The following MCM8 variants were observed in gnomAD, a reference collection of about 807,000 sequenced individuals.
MCM8 encodes minichromosome maintenance 8 homologous recombination repair factor, also known as DNA helicase MCM8.
In MCM8, 85 loss-of-function variants were observed where a neutral mutation model predicts 98.9. The observed-to-expected ratio is 0.86, with a 90% CI of 0.72 to 1.03. MCM8 has a LOEUF of 1.03. Ranked by LOEUF, MCM8 falls within the 50% of genes least tolerant of loss-of-function variation. The pLI is 0.00. For synonymous variants in MCM8, 352 were observed against 338.6 expected (o/e 1.04, Z -0.44); for missense variants, 951 against 997.8 (o/e 0.95, Z 0.63).
chr20:5,966,575 A>G (rs1434200132), intron 8 of MCM8, among the ~76,000 whole-genome samples: 1 of 152,164 alleles, frequency 6.6e-6, no homozygotes, highest in Non-Finnish European at 1.5e-5. Context: ...AATTATTGCC[A>G]TTTAATTTTC....
At chr20:5,991,872 C>A (rs576752023) in intron 17 of MCM8, among the ~76,000 whole-genome samples, 1 of 150,132 alleles carries the variant, frequency 6.7e-6, no homozygotes, top group Non-Finnish European at 1.5e-5. Flanking sequence ...TCAGAGTTTT[C>A]ATCTCTTCAG....
At chr20:5,993,935 G>T in intron 18 of MCM8, 1 of 393,688 alleles carries the variant, frequency 2.5e-6, no homozygotes. Context: ...CTGTTAAATG[G>T]ACATGATTAT....
chr20:5,974,183 A>G (rs2122752442), intron 12 of MCM8, among the ~76,000 whole-genome samples: 1 of 152,298 alleles, frequency 6.6e-6, no homozygotes, highest in Non-Finnish European at 1.5e-5. Flanking sequence ...CCCAGACTGA[A>G]GTACAGTGGC....
At chr20:5,993,888 A>G (rs2089903865) in intron 18 of MCM8, 193 bp downstream of exon 18, 1 of 472,996 alleles carries the variant, frequency 2.1e-6, no homozygotes, top group African/African-American at 1.9e-5. Context: ...TCTTGTGGAT[A>G]TGTCATTTTA....
chr20:5,993,536 G>A lies in MCM8; in HGVS notation c.2271G>A (p.Gly757=), dbSNP rs1304258534. 1 of 1,574,528 alleles carries A rather than the reference G, an allele frequency of 6.4e-7. No homozygotes were observed. The highest frequency in any genetic ancestry group is 1.7e-5 in the Admixed American group (1 of 57,862). ...TAGGAACTTACTCTGATGAATTTGG[G>A]AACCTAGATTTTGAGCGATCCCAGC... ...SMLGTYSDEF[G]NLDFERSQHG... Residue 757 remains glycine, a synonymous_variant, in exon 18 of 19, where the codon GGG becomes GGA. Coordinates refer to ENST00000610722, the MANE Select transcript of MCM8 (RefSeq NM_032485.6).
Position 5,950,722 on chromosome 20 carries a change from C to T in MCM8, c.-307C>T, listed in dbSNP as rs1252996873. 1 of 258,490 alleles carries T rather than the reference C, an allele frequency of 3.9e-6. No individual in the cohort carries two copies. Among genetic ancestry groups the T allele is most frequent in the African/African-American group, 2.2e-5 (1 of 44,822 alleles). 16.0% of individuals were successfully genotyped at this position (258,490 alleles called of 1,614,324 possible). ...GGGAAGACCTGATTTTCGCTTGAGG[C>T]ATTTTTGCGGCGCTGTGCGCTACAG... is the stretch of plus-strand genomic sequence containing the variant. On this transcript the variant is annotated 5_prime_UTR_variant, in exon 1 of 19. Coordinates refer to ENST00000610722, the MANE Select transcript of MCM8 (RefSeq NM_032485.6).
At chr20:5,958,142 A>C (rs112507288) in intron 6 of MCM8, among the ~76,000 whole-genome samples, 1 of 152,218 alleles carries the variant, frequency 6.6e-6, no homozygotes, top group Non-Finnish European at 1.5e-5. Context: ...AGTCCGAGGC[A>C]GGCGGATCAC....
chr20:5,992,341 A>C (rs1027246506), intron 17 of MCM8, among the ~76,000 whole-genome samples: 1 of 152,202 alleles, frequency 6.6e-6, no homozygotes, highest in African/African-American at 2.4e-5. Context: ...TTACTCTTGC[A>C]CCAACCTAAT....
intron 7 of MCM8, among the ~76,000 whole-genome samples, chr20:5,961,026 T>TG (rs1175853110): frequency 6.6e-6 from 1 of 152,210 alleles, no homozygotes; most frequent in Non-Finnish European, 1.5e-5. Context: ...AGTTTTGTTT[T>TG]TTATCTTTAG....
chr20:5,981,760 A>G (rs2089635228), intron 13 of MCM8, among the ~76,000 whole-genome samples: 1 of 152,202 alleles, frequency 6.6e-6, no homozygotes, highest in African/African-American at 2.4e-5. Context: ...CTGTAGACAA[A>G]ATTATAATCT....
intron 17 of MCM8, among the ~76,000 whole-genome samples, chr20:5,993,153 C>A (rs2089887044): frequency 6.6e-6 from 1 of 152,098 alleles, no homozygotes; most frequent in Admixed American, 6.6e-5. Context: ...AGATGGGACA[C>A]ATTTTTATTT....
chr20:5,957,917 T>C (rs2089029126), intron 6 of MCM8, among the ~76,000 whole-genome samples: 1 of 152,220 alleles, frequency 6.6e-6, no homozygotes, highest in Admixed American at 6.5e-5. Flanking sequence ...TAGAAGAAAA[T>C]TTCCTAGCAG....
chr20:5,970,037 C>G (rs1422612952), intron 10 of MCM8, among the ~76,000 whole-genome samples: 1 of 152,146 alleles, frequency 6.6e-6, no homozygotes, highest in Admixed American at 6.5e-5. Flanking sequence ...AGCATCAAAA[C>G]TAGAATTTTT....
chr20:5,955,830 G>C (rs777977974), intron 5 of MCM8, among the ~76,000 whole-genome samples: 7 of 151,984 alleles, frequency 4.6e-5, no homozygotes, highest in Non-Finnish European at 1.0e-4. Flanking sequence ...CCAGGCTGGA[G>C]TGCAGTGTCA....
chr20:5,980,996 C>A (rs1232080764), intron 13 of MCM8, among the ~76,000 whole-genome samples: 1 of 151,708 alleles, frequency 6.6e-6, no homozygotes, highest in East Asian at 1.9e-4. Context: ...CAAGCTAAAA[C>A]TGGCTTATAT....
chr20:5,976,085 G>T (rs2089505214), intron 12 of MCM8, among the ~76,000 whole-genome samples: 1 of 152,168 alleles, frequency 6.6e-6, no homozygotes, highest in African/African-American at 2.4e-5. Context: ...GCAGGCCAAG[G>T]CAGGAGGACC....
At chr20:5,992,443 C>T (rs1249484805) in intron 17 of MCM8, among the ~76,000 whole-genome samples, 2 of 152,064 alleles carry the variant, frequency 1.3e-5, no homozygotes, top group Non-Finnish European at 2.9e-5. Flanking sequence ...CTATGTTAAA[C>T]AAATATAATT....
intron 3 of MCM8, among the ~76,000 whole-genome samples, chr20:5,953,057 CAGT>C (rs1284495102): frequency 6.6e-6 from 1 of 152,212 alleles, no homozygotes; most frequent in Non-Finnish European, 1.5e-5. Context: ...GGGCATGACT[CAGT>C]GGTGCTTGGA....
At chr20:5,986,416 T>G (rs1222639407) in intron 16 of MCM8, among the ~76,000 whole-genome samples, 1 of 152,240 alleles carries the variant, frequency 6.6e-6, no homozygotes, top group African/African-American at 2.4e-5. Flanking sequence ...GAAAAGTGGT[T>G]AGGTTAACTA....
Sources: gnomAD v4.1 joint callset for allele counts (sites outside exome capture counted in the v4.1 genomes callset) on GRCh38, gnomAD v4.1.1 for gene constraint, MANE v1.5 for transcripts, NCBI Gene and HGNC (gene_info 2026-07-23, HGNC 2026-07-21) for gene names.